DCC: variants seen among roughly 807,000 people sequenced by gnomAD.
DCC encodes the protein DCC netrin 1 receptor.
In DCC, 58 loss-of-function variants were observed where a neutral mutation model predicts 172.5. That is an observed-to-expected ratio of 0.34 (90% confidence interval 0.27 to 0.42). The LOEUF is 0.42. Among genes scored for constraint, DCC ranks in the 10% least tolerant of loss-of-function variants. The pLI is 1.00. For synonymous variants in DCC, 709 were observed against 644.5 expected (o/e 1.10, Z -1.52); for missense variants, 1,740 against 1,791.0 (o/e 0.97, Z 0.51).
intron 1 of DCC, among the ~76,000 whole-genome samples, chr18:52,409,425 T>C (rs549108693): frequency 8.3e-4 from 126 of 152,278 alleles, no homozygotes; most frequent in African/African-American, 2.7e-3. Context: ...GATATTCAAC[T>C]GTTTTTTCTT....
chr18:52,462,482 C>T (rs548567425), intron 1 of DCC, among the ~76,000 whole-genome samples: 1 of 152,284 alleles, frequency 6.6e-6, no homozygotes, highest in South Asian at 2.1e-4. Context: ...TGCTTACTTT[C>T]TTTTTGCCCA....
intron 12 of DCC, among the ~76,000 whole-genome samples, chr18:53,249,726 T>C (rs2056406624): frequency 6.6e-6 from 1 of 151,886 alleles, no homozygotes; most frequent in African/African-American, 2.4e-5. Context: ...AAAAACAATA[T>C]TATATTGTTA....
intron 1 of DCC, among the ~76,000 whole-genome samples, chr18:52,525,731 G>A (rs2031962350): frequency 6.6e-6 from 1 of 152,186 alleles, no homozygotes; most frequent in Non-Finnish European, 1.5e-5. Flanking sequence ...AAATGTGATA[G>A]TTATTGTCAT....
intron 7 of DCC, among the ~76,000 whole-genome samples, chr18:53,075,664 A>G (rs867764740): frequency 2.6e-5 from 4 of 151,886 alleles, no homozygotes; most frequent in African/African-American, 9.7e-5. Context: ...TTTCACCTGT[A>G]TATCACCATT....
At chr18:52,943,020 T>C (rs957773305) in intron 5 of DCC, among the ~76,000 whole-genome samples, 1 of 152,206 alleles carries the variant, frequency 6.6e-6, no homozygotes, top group East Asian at 1.9e-4. Flanking sequence ...CCACAGAGTA[T>C]GCATTCAAAT....
intron 5 of DCC, among the ~76,000 whole-genome samples, chr18:53,011,243 C>G (rs968682409): frequency 1.3e-5 from 2 of 151,480 alleles, no homozygotes; most frequent in Non-Finnish European, 3.0e-5. Flanking sequence ...TCAAAGATAT[C>G]TGCATCTCAC....
At chr18:53,511,663 A>T (rs548684607) in intron 27 of DCC, among the ~76,000 whole-genome samples, 1 of 152,372 alleles carries the variant, frequency 6.6e-6, no homozygotes, top group South Asian at 2.1e-4. Flanking sequence ...GCAAGGGGTC[A>T]GGGAGTTCCC....
chr18:52,451,338 A>G (rs1337919259), intron 1 of DCC, among the ~76,000 whole-genome samples: 1 of 152,220 alleles, frequency 6.6e-6, no homozygotes, highest in Non-Finnish European at 1.5e-5. Flanking sequence ...GAAAGCTGTT[A>G]GAGTCAAACA....
intron 1 of DCC, among the ~76,000 whole-genome samples, chr18:52,405,446 C>T (rs954317948): frequency 2.0e-4 from 28 of 143,180 alleles, no homozygotes; most frequent in Non-Finnish European, 3.8e-4. Context: ...TGTTTTTTGG[C>T]TGCATAAATG....
chr18:52,367,600 G>A (rs1984936587), intron 1 of DCC, among the ~76,000 whole-genome samples: 1 of 152,204 alleles, frequency 6.6e-6, no homozygotes, highest in African/African-American at 2.4e-5. Context: ...TTTCTCGGCA[G>A]AGCCAATCTT....
Position 53,486,847 on chromosome 18 carries a change from G to A in DCC, c.3787G>A (p.Gly1263Arg). Residue 1263 changes from glycine to arginine, a missense_variant, in exon 26 of 29, where the codon GGA becomes AGA. This residue lies in a region of DCC where 1,732 missense variants were observed against 1,767.4 expected (regional missense o/e 0.98). Transcript: ENST00000442544. ...VPTLESAQYP[G>R]ILPSPTCGYP... ...AACGCTAGAAAGTGCCCAGTACCCA[G>A]GAATCCTCCCGTCTCCCACCTGTGG... is the stretch of plus-strand genomic sequence containing the variant. The A allele has an allele frequency of 1.2e-6, 2 of 1,614,134 alleles. No homozygotes were observed. Among genetic ancestry groups the A allele is most frequent in the Non-Finnish European group, 1.7e-6 (2 of 1,180,016 alleles).
chr18:52,546,072 A>C (rs1228230504), intron 1 of DCC, among the ~76,000 whole-genome samples: 1 of 152,186 alleles, frequency 6.6e-6, no homozygotes, highest in Non-Finnish European at 1.5e-5. Flanking sequence ...AACAAACCAA[A>C]ACAAAATGAT....
At chr18:52,654,453 T>C (rs2035205402) in intron 1 of DCC, among the ~76,000 whole-genome samples, 1 of 152,144 alleles carries the variant, frequency 6.6e-6, no homozygotes, top group South Asian at 2.1e-4. Context: ...CAGACATTTA[T>C]TGTCTTACAG....
chr18:52,484,492 A>C (rs947428635), intron 1 of DCC, among the ~76,000 whole-genome samples: 9 of 152,120 alleles, frequency 5.9e-5, no homozygotes, highest in Non-Finnish European at 8.8e-5. Flanking sequence ...GATTTAGTAG[A>C]AAAATCAATG....
intron 7 of DCC, 25 bp from the exon 8 acceptor site, chr18:53,157,331 A>G (rs1382810500): frequency 1.9e-6 from 3 of 1,613,800 alleles, no homozygotes; most frequent in African/African-American, 2.7e-5. Context: ...GACACCTCTG[A>G]TAGCCTCCTC....
At chr18:53,215,146 T>C (rs987514299) in intron 11 of DCC, among the ~76,000 whole-genome samples, 1 of 152,188 alleles carries the variant, frequency 6.6e-6, no homozygotes, top group African/African-American at 2.4e-5. Flanking sequence ...ACAAATTTTA[T>C]CATAAAATTA....
intron 15 of DCC, among the ~76,000 whole-genome samples, chr18:53,358,061 A>C (rs2057897829): frequency 6.6e-6 from 1 of 152,066 alleles, no homozygotes; most frequent in South Asian, 2.1e-4. Flanking sequence ...CTTCTTATTT[A>C]TGTTGTTTAT....
intron 2 of DCC, among the ~76,000 whole-genome samples, chr18:52,876,257 T>A (rs1053884464): frequency 2.0e-5 from 3 of 152,218 alleles, no homozygotes; most frequent in African/African-American, 7.2e-5. Flanking sequence ...GAATCTATTG[T>A]TTACTGATCT....
intron 2 of DCC, among the ~76,000 whole-genome samples, chr18:52,875,308 A>G (rs953628815): frequency 1.3e-5 from 2 of 152,158 alleles, no homozygotes; most frequent in Non-Finnish European, 2.9e-5. Flanking sequence ...AAAGATAATT[A>G]AAAATTATCT....
Sources: gnomAD v4.1 joint callset for allele counts (sites outside exome capture counted in the v4.1 genomes callset) on GRCh38, gnomAD v4.1.1 for gene constraint, gnomAD v4.1.1 regional missense constraint, MANE v1.5 for transcripts, NCBI Gene and HGNC (gene_info 2026-07-23, HGNC 2026-07-21) for gene names.